The following HDHD5 variants were observed in gnomAD, a reference collection of about 807,000 sequenced individuals.
HDHD5 encodes the protein haloacid dehalogenase-like hydrolase domain-containing 5.
In HDHD5, 34 loss-of-function variants were observed where a neutral mutation model predicts 35.5. The observed-to-expected ratio is 0.96, with a 90% CI of 0.73 to 1.28. HDHD5 has a LOEUF of 1.28. HDHD5 is among the 50% of genes most tolerant of loss of function. The pLI is 0.00. For synonymous variants in HDHD5, 248 were observed against 240.6 expected (o/e 1.03, Z -0.29); for missense variants, 589 against 560.2 (o/e 1.05, Z -0.52).
chr22:17,143,016 G>C, intron 5 of HDHD5, 82 bp downstream of exon 5: 1 of 1,496,952 alleles, frequency 6.7e-7, no homozygotes, highest in Non-Finnish European at 9.2e-7. Context: ...CCAGGCTGCA[G>C]GCAGTCACAC....
chr22:17,153,853 A>C (rs1328790857), intron 1 of HDHD5, among the ~76,000 whole-genome samples: 2 of 152,230 alleles, frequency 1.3e-5, no homozygotes, highest in Non-Finnish European at 1.5e-5. Context: ...TTTCTGAAGG[A>C]AAAGAGTGGC....
intron 1 of HDHD5, among the ~76,000 whole-genome samples, chr22:17,150,238 T>C: frequency 6.6e-6 from 1 of 152,358 alleles, no homozygotes; most frequent in South Asian, 2.1e-4. Context: ...TTGCTTGACA[T>C]ATCATAAATA....
At position 17,146,364 on chromosome 22, in the gene HDHD5, C is replaced by T. The variant is rs534544684; in HGVS notation, c.444-1247G>A. Among the ~76,000 whole-genome samples the T allele has an allele frequency of 4.6e-5, 7 of 151,180 alleles. No individual in the cohort carries two copies. In the East Asian group the frequency reaches 7.9e-4, roughly 17 times the overall value. On this transcript the variant is annotated intron_variant, in intron 3 of 7. Transcript: ENST00000336737. Reference sequence around the variant, plus strand: ...CATCGCACACGCTCCACACCTGTGACGCCCTCCTGTGAGCTTACCGGCCTT... The same window carrying T: ...CATCGCACACGCTCCACACCTGTGATGCCCTCCTGTGAGCTTACCGGCCTT...
rs2061547621 is a variant in HDHD5, at chr22:17,137,530, GA to G, written c.*490del. On this transcript the variant is annotated 3_prime_UTR_variant, in exon 8 of 8. Coordinates refer to ENST00000336737, the MANE Select transcript of HDHD5 (RefSeq NM_033070.3). Reference sequence around the variant, plus strand: ...AGAGCTTCACAAGAGTCAGCATCATGAACATTTATTATGATTATTTTATTTA... The same window carrying G: ...AGAGCTTCACAAGAGTCAGCATCATGACATTTATTATGATTATTTTATTTA... The G allele has an allele frequency of 6.5e-6, 1 of 153,330 alleles. No homozygotes were observed. The highest frequency in any genetic ancestry group is 1.4e-5 in the Non-Finnish European group (1 of 69,030). The allele number at this position is 153,330 out of a possible 1,614,324, so 9.5% of individuals were successfully genotyped here. A position where few individuals can be genotyped will look rare whatever the true frequency, so the allele number is the denominator to read the frequency against.
At chr22:17,162,571 T>C (rs2061870059), upstream of HDHD5, among the ~76,000 whole-genome samples, 2 of 152,226 alleles carry the variant, frequency 1.3e-5, no homozygotes, top group South Asian at 2.1e-4. Context: ...TTTGGTTTGT[T>C]TGTCTGTTTG....
chr22:17,145,255 G>T (rs2061648798), intron 3 of HDHD5, 138 bp from the exon 4 acceptor site: 2 of 1,449,492 alleles, frequency 1.4e-6, no homozygotes, highest in African/African-American at 1.4e-5. Flanking sequence ...GCCCAGCAAG[G>T]ATGGCACAAA....
chr22:17,142,783 T>C (rs906298243), intron 5 of HDHD5: 50 of 289,626 alleles, frequency 1.7e-4, no homozygotes, highest in African/African-American at 8.7e-4. Context: ...GATATTCCAA[T>C]GTTCTTGGTA....
chr22:17,159,069 C>T, intron 1 of HDHD5, 57 bp downstream of exon 1: 1 of 1,207,218 alleles, frequency 8.3e-7, no homozygotes, highest in Non-Finnish European at 1.0e-6. Context: ...CGCGGCTCCC[C>T]GCCCCGCCTC....
intron 3 of HDHD5, among the ~76,000 whole-genome samples, chr22:17,147,989 G>C (rs966606279): frequency 1.1e-4 from 16 of 152,202 alleles, no homozygotes; most frequent in African/African-American, 3.9e-4. Flanking sequence ...CTTAAAACGG[G>C]CCAGGTATTA....
intron 1 of HDHD5, among the ~76,000 whole-genome samples, chr22:17,154,616 C>CTTTTTTTT (rs56885882): frequency 7.9e-6 from 1 of 126,190 alleles, no homozygotes; most frequent in Non-Finnish European, 1.7e-5. Context: ...TCCTTATTTT[C>CTTTTTTTT]TTTTTTTTTT....
upstream of HDHD5, among the ~76,000 whole-genome samples, chr22:17,160,912 T>G (rs148347025): frequency 6.7e-4 from 100 of 149,512 alleles, 1 homozygote; most frequent in East Asian, 0.02. Flanking sequence ...AGAAATTTCT[T>G]GGTATGATGG....
chr22:17,149,435 C>T (rs2061700832), intron 2 of HDHD5, 107 bp downstream of exon 2: 15 of 1,020,232 alleles, frequency 1.5e-5, no homozygotes, highest in Non-Finnish European at 2.2e-5. Flanking sequence ...TGACCTAGGA[C>T]TAGGTGATTC....
chr22:17,150,993 T>A (rs537404004), intron 1 of HDHD5, among the ~76,000 whole-genome samples: 26 of 152,314 alleles, frequency 1.7e-4, no homozygotes, highest in African/African-American at 5.8e-4. Context: ...GAATACTGAT[T>A]TTTTTCCCAT....
exon 1 of HDHD5, chr22:17,165,242 C>A (rs184355668): frequency 1.2e-5 from 9 of 777,322 alleles, no homozygotes; most frequent in African/African-American, 1.7e-5. Context: ...ACCAAGCATA[C>A]ATGATTTAGT....
intron 6 of HDHD5, among the ~76,000 whole-genome samples, chr22:17,139,041 T>C (rs1021339523): frequency 1.3e-5 from 2 of 152,244 alleles, no homozygotes; most frequent in African/African-American, 4.8e-5. Context: ...TAAATCCTGC[T>C]GTAGAGCTGA....
upstream of HDHD5, among the ~76,000 whole-genome samples, chr22:17,162,245 A>T: frequency 6.6e-6 from 1 of 152,210 alleles, no homozygotes; most frequent in East Asian, 1.9e-4. Context: ...CCTGAGGCAA[A>T]ACCACCCAGC....
chr22:17,155,457 G>A (rs1293517743), intron 1 of HDHD5, among the ~76,000 whole-genome samples: 1 of 152,006 alleles, frequency 6.6e-6, no homozygotes, highest in African/African-American at 2.4e-5. Flanking sequence ...ATATTGGCCA[G>A]GCTGGTCTCA....
chr22:17,140,140 G>A (rs2061583494), intron 6 of HDHD5, among the ~76,000 whole-genome samples: 1 of 152,174 alleles, frequency 6.6e-6, no homozygotes, highest in Admixed American at 6.5e-5. Context: ...GTACTGGGCC[G>A]TGCCCACCCT....
chr22:17,147,680 C>T (rs1568944784), intron 3 of HDHD5, among the ~76,000 whole-genome samples: 1 of 147,976 alleles, frequency 6.8e-6, no homozygotes, highest in Non-Finnish European at 1.5e-5. Context: ...TGTGAGCTCA[C>T]AGGCCTTCGA....
Sources: allele counts gnomAD v4.1 joint callset (sites outside exome capture counted in the v4.1 genomes callset), GRCh38; gene constraint gnomAD v4.1.1; transcripts MANE v1.5; gene names NCBI Gene and HGNC (gene_info 2026-07-23, HGNC 2026-07-21).